The following GTPBP4 variants were observed in gnomAD, a reference collection of about 807,000 sequenced individuals.
GTPBP4 encodes GTP-binding protein 4.
In GTPBP4, 15 loss-of-function variants were observed where a neutral mutation model predicts 81.7. That is an observed-to-expected ratio of 0.18 (90% CI 0.12 to 0.28). The LOEUF (loss-of-function observed/expected upper bound fraction) is 0.28, where lower values mean the gene tolerates loss of function less well. Among genes scored for constraint, GTPBP4 ranks in the 10% least tolerant of loss-of-function variants. GTPBP4 has a pLI of 1.00. For synonymous variants in GTPBP4, 272 were observed against 274.6 expected, an observed-to-expected ratio of 0.99 and a Z score of 0.09; for missense variants, 847 against 793.8, an observed-to-expected ratio of 1.07 and a Z score of -0.81.
intron 11 of GTPBP4, 50 bp from the exon 12 acceptor site, chr10:1,009,478 TG>T: frequency 8.2e-7 from 1 of 1,221,676 alleles, no homozygotes; most frequent in Non-Finnish European, 1.2e-6. Context: ...AGAGCATTTC[TG>T]GATCTGAAAG....
chr10:1,000,578 ATTAGG>A (rs1831609884), intron 6 of GTPBP4, 94 bp from the exon 7 acceptor site: 1 of 526,702 alleles, frequency 1.9e-6, no homozygotes, highest in Non-Finnish European at 3.1e-6. Flanking sequence ...CTGTAAGATT[ATTAGG>A]TCTGGTTGGG....
chr10:1,008,918 C>T (rs1465599469), intron 10 of GTPBP4, 40 bp from the exon 11 acceptor site: 2 of 1,423,528 alleles, frequency 1.4e-6, no homozygotes, highest in Admixed American at 3.3e-5. Flanking sequence ...TCTCATTCAG[C>T]AGGCATTTCA....
chr10:998,734 C>T (rs540792478), intron 5 of GTPBP4, among the ~76,000 whole-genome samples: 79 of 152,288 alleles, frequency 5.2e-4, no homozygotes, highest in African/African-American at 1.4e-3. Context: ...AAGAGCTCTG[C>T]GGGCATTGCA....
Position 1,000,946 on chromosome 10 carries a change from A to C in GTPBP4, c.847-2A>C. On this transcript the variant is annotated splice_acceptor_variant, in intron 7 of 16. Transcript: ENST00000360803. LOFTEE classifies it high-confidence loss of function. ...ATTTCATTATTTTTCTTCCTTGCCT[A>C]GCCTCTCATAGTTGTAGCCAACAAA... 6.2e-7 allele frequency: 1 copy of C among 1,612,286 alleles called. No individual in the cohort carries two copies. Among genetic ancestry groups the C allele is most frequent in the Non-Finnish European group, 8.5e-7 (1 of 1,178,286 alleles).
At position 1,000,804 on chromosome 10, in the gene GTPBP4, G is replaced by T. The variant is rs200185256; in HGVS notation, c.782G>T (p.Cys261Phe). Reference protein sequence around the residue: ...VLYVMDLSEQCGHGLREQLEL... With the variant: ...VLYVMDLSEQFGHGLREQLEL... ...TATGTGATGGATTTGTCTGAGCAGT[G>T]TGGGCATGGGCTGAGGGAGCAGCTA... The change falls in exon 7 of 17, where the codon TGT (cysteine) becomes TTT (phenylalanine). Residue 261 changes from cysteine to phenylalanine, a missense_variant. Physicochemically the swap from Cys to Phe is radical, Grantham distance 205. Transcript: ENST00000360803. 12 of 1,611,776 alleles carry T rather than the reference G, an allele frequency of 7.4e-6. No homozygotes were observed. The Admixed American group carries it at 2.0e-4, about 27-fold the overall frequency.
intron 1 of GTPBP4, chr10:988,999 T>C (rs2620944): frequency 1.0e-3 from 166 of 158,980 alleles, no homozygotes; most frequent in African/African-American, 3.9e-3. Flanking sequence ...TCATTCTCTT[T>C]CACTGTTAGA....
At chr10:1,015,578 C>T (rs1831970410) in intron 15 of GTPBP4, among the ~76,000 whole-genome samples, 175 bp from the exon 16 acceptor site, 1 of 139,358 alleles carries the variant, frequency 7.2e-6, no homozygotes, top group African/African-American at 2.9e-5. Context: ...GGGTCCTGAG[C>T]GCTGAGCCTG....
chr10:1,004,083 G>A (rs1017503024), intron 8 of GTPBP4, among the ~76,000 whole-genome samples: 1 of 152,132 alleles, frequency 6.6e-6, no homozygotes, highest in Non-Finnish European at 1.5e-5. Context: ...CAGGGAAGAC[G>A]CACTCTGGAG....
chr10:1,009,559 G>C lies in GTPBP4; in HGVS notation c.1222G>C (p.Asp408His). 1.2e-6 allele frequency: 2 copies of C among 1,600,430 alleles called. No individual in the cohort carries two copies. Among genetic ancestry groups the C allele is most frequent in the Non-Finnish European group, 1.7e-6 (2 of 1,167,522 alleles). Residue 408 changes from aspartate (D) to histidine (H), a missense_variant, in exon 12 of 17, where the codon GAT becomes CAT. Physicochemically the swap from Asp to His is moderately conservative, Grantham distance 81. Transcript: ENST00000360803. ...AGATCTTGAGCTGGAAATGGGAGAT[G>C]ATTATATTTTGGATCTTCAGAGTAA... Reference protein sequence around the residue: ...ERDLELEMGDDYILDLQKYWD... With the variant: ...ERDLELEMGDHYILDLQKYWD...
intron 6 of GTPBP4, among the ~76,000 whole-genome samples, chr10:999,419 G>A: frequency 6.6e-6 from 1 of 152,086 alleles, no homozygotes; most frequent in African/African-American, 2.4e-5. Context: ...CACTGCACCT[G>A]GCAAGAGTCT....
rs142054626 is a variant in GTPBP4 at position 1,019,712 on chromosome 10, C to T, written c.*2485C>T. The T allele has an allele frequency of 2.0e-4, 324 of 1,613,996 alleles. No individual in the cohort carries two copies. Among genetic ancestry groups the T allele is most frequent in the East Asian group, 6.9e-4 (31 of 44,828 alleles). The stretch of plus-strand genomic sequence containing the variant: ...GGATGCTTTTCGTTTCACTGGGATC[C>T]GGGTTCAGAGTGACGTTTTTCCTCA... On this transcript the variant is annotated 3_prime_UTR_variant, in exon 17 of 17. Transcript: ENST00000360803.
At position 1,000,829 on chromosome 10, in the gene GTPBP4, A is replaced by G. The variant is rs1156229957; in HGVS notation, c.807A>G (p.Leu269=). 2 of 1,610,946 alleles carry G rather than the reference A, an allele frequency of 1.2e-6. No homozygotes were observed. Among genetic ancestry groups the G allele is most frequent in the African/African-American group, 1.3e-5 (1 of 75,026 alleles). The change falls in exon 7 of 17, where the codon CTA becomes CTG. Residue 269 remains leucine (L), a synonymous_variant. Coordinates refer to ENST00000360803, the MANE Select transcript of GTPBP4 (RefSeq NM_012341.3). ...EQCGHGLREQ[L]ELFQNIRPLF... is the part of the protein sequence containing the mutation. ...GTGGGCATGGGCTGAGGGAGCAGCT[A>G]GAACTCTTCCAGAACATCAGACCTC...
chr10:1,019,313 A>C lies in GTPBP4; in HGVS notation c.*2086A>C. On this transcript the variant is annotated 3_prime_UTR_variant, in exon 17 of 17. Transcript: ENST00000360803. The stretch of plus-strand genomic sequence containing the variant: ...AATGTTAAATTTCCTCCCTGCAACC[A>C]GGCAGATGAGAAATATGGAAATAAG... 1.9e-6 allele frequency: 1 copy of C among 540,246 alleles called. No homozygotes were observed. The highest frequency in any genetic ancestry group is 1.9e-5 in the African/African-American group (1 of 52,942). The allele number at this position is 540,246 out of a possible 1,614,324, so 33.5% of individuals were successfully genotyped here. A position where few individuals can be genotyped will look rare whatever the true frequency, so the allele number is the denominator to read the frequency against.
rs898628093 is a variant in GTPBP4 at position 1,006,041 on chromosome 10, C to T, written c.1002+134C>T. ...GCCCTCGCAGTAGCGAGGCGGGTGGCGTGCGAGAGTGGGGCGTGAAGACAG... is the reference window on the plus strand; with the variant it reads ...GCCCTCGCAGTAGCGAGGCGGGTGGTGTGCGAGAGTGGGGCGTGAAGACAG... On this transcript the variant is annotated intron_variant, in intron 9 of 16. Transcript: ENST00000360803. 6.0e-5 allele frequency: 35 copies of T among 580,808 alleles called. No individual in the cohort carries two copies. Among genetic ancestry groups the T allele is most frequent in the Non-Finnish European group, 8.2e-5 (27 of 329,200 alleles). 36.0% of individuals were successfully genotyped at this position (580,808 alleles called of 1,614,324 possible). A position where few individuals can be genotyped will look rare whatever the true frequency, so the allele number is the denominator to read the frequency against.
chr10:1,015,237 T>A (rs533205126), intron 15 of GTPBP4, among the ~76,000 whole-genome samples: 2 of 152,362 alleles, frequency 1.3e-5, no homozygotes, highest in East Asian at 3.9e-4. Context: ...GAACTTGAAA[T>A]GGTGTCACTA....
At chr10:1,015,546 G>T (rs11250220) in intron 15 of GTPBP4, among the ~76,000 whole-genome samples, 187 of 4,542 alleles carry the variant, frequency 0.041, 12 homozygotes, top group Middle Eastern at 0.5. Flanking sequence ...GGTCCTGAGC[G>T]CTGAGCCTGG....
intron 14 of GTPBP4, among the ~76,000 whole-genome samples, chr10:1,013,703 A>C (rs1831921953): frequency 6.6e-6 from 1 of 152,244 alleles, no homozygotes; most frequent in South Asian, 2.1e-4. Flanking sequence ...GCTCTGTGGC[A>C]GGGTGGGACT....
chr10:1,006,042 G>T, intron 9 of GTPBP4, 135 bp downstream of exon 9: 1 of 580,644 alleles, frequency 1.7e-6, no homozygotes, highest in Admixed American at 3.3e-5. Flanking sequence ...GGCGGGTGGC[G>T]TGCGAGAGTG....
rs576678016 is a variant in GTPBP4, at chr10:1,014,426, G to A, written c.1608+114G>A. On this transcript the variant is annotated intron_variant, in intron 15 of 16. Transcript: ENST00000360803. ...AATCCCAGCACTTTGGGAGGCCAAG[G>A]CGGGCAGATCATGATGTCAGGGGTT... is the stretch of plus-strand genomic sequence containing the variant. 1.9e-3 allele frequency: 1,327 copies of A among 712,828 alleles called. 5 individuals carry two copies. Among genetic ancestry groups the A allele is most frequent in the Middle Eastern group, 2.3e-3 (9 of 3,834 alleles). The allele number at this position is 712,828 out of a possible 1,614,324, so 44.2% of individuals were successfully genotyped here. A position where few individuals can be genotyped will look rare whatever the true frequency, so the allele number is the denominator to read the frequency against.
Sources: allele counts gnomAD v4.1 joint callset (sites outside exome capture counted in the v4.1 genomes callset), GRCh38; gene constraint gnomAD v4.1.1; transcripts MANE v1.5; gene names NCBI Gene and HGNC (gene_info 2026-07-23, HGNC 2026-07-21).